Variants in CPLANE1 observed in about 807,000 individuals in gnomAD.
CPLANE1 encodes the protein ciliogenesis and planar polarity effector 1.
CPLANE1 carries 263 observed loss-of-function variants against 362.5 expected under a neutral mutation model. The observed-to-expected ratio is 0.73, with a 90% CI of 0.66 to 0.80. The LOEUF (loss-of-function observed/expected upper bound fraction) is 0.80, where lower values mean the gene tolerates loss of function less well. CPLANE1 is among the 30% of genes least tolerant of loss of function. The pLI is 0.00. For missense variants in CPLANE1, 3,461 were observed against 3,793.4 expected, an observed-to-expected ratio of 0.91 and a Z score of 2.30; for synonymous variants, 1,212 against 1,302.6, an observed-to-expected ratio of 0.93 and a Z score of 1.50.
chr5:37,181,080 CT>C, intron 26 of CPLANE1, 75 bp from the exon 27 acceptor site: 1 of 1,255,314 alleles, frequency 8.0e-7, no homozygotes, highest in Non-Finnish European at 1.1e-6. Context: ...ATTATTCATT[CT>C]TTCTACAGGA....
chr5:37,078,535 G>A, the CPLANE1 span, among the ~76,000 whole-genome samples: 14 of 152,086 alleles, frequency 9.2e-5, no homozygotes, highest in East Asian at 1.5e-3. Flanking sequence ...CTTTATAATA[G>A]AATGATTTAT....
intron 48 of CPLANE1, 129 bp from the exon 49 acceptor site, chr5:37,121,913 CTT>C (rs1476054676): frequency 9.3e-5 from 66 of 711,178 alleles, no homozygotes; most frequent in Middle Eastern, 8.3e-4. Context: ...GAGTTTCACT[CTT>C]GTCACCCAGG....
At chr5:37,235,264 T>C (rs1483149012) in intron 8 of CPLANE1, among the ~76,000 whole-genome samples, 2 of 152,042 alleles carry the variant, frequency 1.3e-5, no homozygotes, top group Admixed American at 6.6e-5. Context: ...TACCTAGCAA[T>C]ATATTTAACC....
chr5:37,225,437 A>G (rs1796239800), intron 12 of CPLANE1, among the ~76,000 whole-genome samples: 1 of 151,684 alleles, frequency 6.6e-6, no homozygotes, highest in Admixed American at 6.6e-5. Flanking sequence ...GCGGAGTTTC[A>G]TCGTGTTGCC....
chr5:37,143,332 T>C (rs1026434709), intron 43 of CPLANE1, among the ~76,000 whole-genome samples: 4 of 151,914 alleles, frequency 2.6e-5, no homozygotes, highest in African/African-American at 9.7e-5. Context: ...CAATTGATAA[T>C]GTGCACATAT....
intron 41 of CPLANE1, among the ~76,000 whole-genome samples, chr5:37,155,822 C>T (rs1331634572): frequency 5.3e-5 from 8 of 152,164 alleles, no homozygotes; most frequent in Non-Finnish European, 2.9e-5. Context: ...AAAAGTAAAA[C>T]GTATCTAAGC....
At chr5:37,223,275 A>G (rs1795745472) in intron 14 of CPLANE1, among the ~76,000 whole-genome samples, 1 of 152,006 alleles carries the variant, frequency 6.6e-6, no homozygotes. Context: ...TTAAATGTCA[A>G]CTCCAAGAGG....
chr5:37,239,388 C>T (rs1299823212), intron 7 of CPLANE1, among the ~76,000 whole-genome samples: 3 of 151,850 alleles, frequency 2.0e-5, no homozygotes, highest in African/African-American at 7.3e-5. Flanking sequence ...CAAGACCAGC[C>T]TGGGCAATAT....
intron 16 of CPLANE1, among the ~76,000 whole-genome samples, chr5:37,207,637 AAC>A (rs1791151578): frequency 6.6e-6 from 1 of 152,246 alleles, no homozygotes; most frequent in Admixed American, 6.5e-5. Flanking sequence ...TAGGAGTTTG[AAC>A]ACATAGTTCA....
chr5:37,223,727 TA>T (rs1364922703), intron 14 of CPLANE1, among the ~76,000 whole-genome samples: 3 of 152,216 alleles, frequency 2.0e-5, no homozygotes, highest in African/African-American at 7.2e-5. Flanking sequence ...TTAACTTACA[TA>T]CAATTCTTAA....
Position 37,221,416 on chromosome 5 carries a change from T to G in CPLANE1, c.2654A>C (p.Asn885Thr). ...ACACAATCCTTGAGCATCATTTAAA[T>G]TATAGCTATAGAGGTGGCAGTATAA... ...SLLYCHLYSYNLNDAQGLCDQ... is the reference protein window; with the variant it reads ...SLLYCHLYSYTLNDAQGLCDQ... The change falls in exon 15 of 53, where the codon AAT becomes ACT. Residue 885 changes from asparagine to threonine, a missense_variant. Physicochemically the swap from Asn to Thr is moderately conservative, Grantham distance 65. Coordinates refer to ENST00000651892, the MANE Select transcript of CPLANE1 (RefSeq NM_001384732.1). 2 of 1,540,350 alleles carry G rather than the reference T, an allele frequency of 1.3e-6. No individual in the cohort carries two copies. Among genetic ancestry groups the G allele is most frequent in the Non-Finnish European group, 1.8e-6 (2 of 1,141,788 alleles).
Position 37,198,750 on chromosome 5 carries a change from T to A in CPLANE1, c.3624A>T (p.Ala1208=). The change falls in exon 20 of 53, where the codon GCA becomes GCT. Residue 1208 remains alanine (A), a synonymous_variant. Transcript: ENST00000651892. The stretch of plus-strand genomic sequence containing the variant: ...ACCTCAACTGCAATATATACCACTG[T>A]GCTACAGGAAAAGAACACTGAGCCG... ...FRAAQCSFPV[A]QWYILQLRWA... 1 of 1,614,152 alleles carries A rather than the reference T, an allele frequency of 6.2e-7. No individual in the cohort carries two copies. The highest frequency in any genetic ancestry group is 8.5e-7 in the Non-Finnish European group (1 of 1,180,032).
chr5:37,239,050 A>G (rs975446510), intron 7 of CPLANE1, 90 bp from the exon 8 acceptor site: 8 of 620,836 alleles, frequency 1.3e-5, no homozygotes, highest in Admixed American at 6.8e-5. Flanking sequence ...ATCTATTATT[A>G]TATTAATAAA....
At chr5:37,192,985 G>A (rs1786070768) in intron 21 of CPLANE1, among the ~76,000 whole-genome samples, 2 of 151,410 alleles carry the variant, frequency 1.3e-5, no homozygotes, top group East Asian at 2.0e-4. Context: ...TGACCAACAC[G>A]GTGAAACCCC....
chr5:37,205,782 C>T (rs1790537865), intron 17 of CPLANE1, among the ~76,000 whole-genome samples: 1 of 152,114 alleles, frequency 6.6e-6, no homozygotes, highest in Non-Finnish European at 1.5e-5. Context: ...GACATGATCA[C>T]GGCTCACTGC....
At chr5:37,177,329 C>T (rs1781451447) in intron 30 of CPLANE1, among the ~76,000 whole-genome samples, 1 of 151,862 alleles carries the variant, frequency 6.6e-6, no homozygotes, top group African/African-American at 2.4e-5. Flanking sequence ...AAAGTGGTTC[C>T]CTACTTAGCA....
At chr5:37,088,189 G>C in the CPLANE1 span, among the ~76,000 whole-genome samples, 1 of 152,166 alleles carries the variant, frequency 6.6e-6, no homozygotes, top group African/African-American at 2.4e-5. Context: ...TTTATCAATC[G>C]GTTAACCCAG....
At position 37,239,123 on chromosome 5, in the gene CPLANE1, T is replaced by C. The variant is rs1483640681; in HGVS notation, c.835-163A>G. ...TGACCCCTGGTAGCCTTTGCTCTTT[T>C]ATGTTCCACCTTAAAAACATTAGTT... On this transcript the variant is annotated intron_variant, in intron 7 of 52. Transcript: ENST00000651892. Among the ~76,000 whole-genome samples, 3 of 152,354 alleles carry C rather than the reference T, an allele frequency of 2.0e-5. No individual in the cohort carries two copies. In the South Asian group the frequency reaches 6.2e-4, roughly 32 times the overall value.
intron 32 of CPLANE1, among the ~76,000 whole-genome samples, chr5:37,170,575 T>C (rs868606342): frequency 2.0e-5 from 3 of 152,110 alleles, no homozygotes; most frequent in African/African-American, 7.2e-5. Context: ...CTTGGAACTA[T>C]TTGTAAACAG....
Sources: allele counts gnomAD v4.1 joint callset (sites outside exome capture counted in the v4.1 genomes callset), GRCh38; gene constraint gnomAD v4.1.1; transcripts MANE v1.5; gene names NCBI Gene and HGNC (gene_info 2026-07-23, HGNC 2026-07-21).